Variants in TENM2 observed in about 807,000 individuals in gnomAD.
TENM2 encodes the protein teneurin-2.
Under a neutral mutation model 245.2 loss-of-function variants are expected in TENM2, and 52 were observed. The ratio of observed to expected loss-of-function variants is 0.21; its 90% confidence interval spans 0.17 to 0.27. TENM2 has a LOEUF of 0.27. Ranked by LOEUF, TENM2 falls within the 10% of genes least tolerant of loss-of-function variation. The pLI is 1.00. For missense variants in TENM2, 3,046 were observed against 3,666.8 expected (o/e 0.83, Z 4.37); for synonymous variants, 1,363 against 1,438.9 (o/e 0.95, Z 1.19).
the TENM2 span, among the ~76,000 whole-genome samples, chr5:167,070,421 G>A: frequency 6.6e-6 from 1 of 151,368 alleles, no homozygotes; most frequent in African/African-American, 2.4e-5. Context: ...GAGCCACTGC[G>A]CCCAGCCTCA....
chr5:167,386,498 A>G (rs2127350810), intron 2 of TENM2, among the ~76,000 whole-genome samples: 1 of 152,176 alleles, frequency 6.6e-6, no homozygotes, highest in Non-Finnish European at 1.5e-5. Flanking sequence ...TCCTTTTGCC[A>G]TCCAGAAGCT....
chr5:167,252,331 T>C, the TENM2 span, among the ~76,000 whole-genome samples: 1 of 152,112 alleles, frequency 6.6e-6, no homozygotes, highest in East Asian at 1.9e-4. Flanking sequence ...TATGATGAAA[T>C]CTTGTTTGTT....
Position 167,877,489 on chromosome 5 carries a change from A to C in TENM2, c.712+1294A>C, listed in dbSNP as rs150105581. Among the ~76,000 whole-genome samples the C allele has an allele frequency of 2.0e-4, 31 of 152,328 alleles. No homozygotes were observed. The East Asian group carries it at 5.4e-3, about 27-fold the overall frequency. Reference sequence around the variant, plus strand: ...TAATCTACCATAAATCTTTATTAGAACTCATCAGAGCTTCTAGTTTGAGAG... The same window carrying C: ...TAATCTACCATAAATCTTTATTAGACCTCATCAGAGCTTCTAGTTTGAGAG... On this transcript the variant is annotated intron_variant, in intron 3 of 28. Coordinates refer to ENST00000518659, the Ensembl canonical transcript of TENM2.
chr5:168,146,060 T>C (rs867807689), intron 12 of TENM2, among the ~76,000 whole-genome samples: 1 of 149,536 alleles, frequency 6.7e-6, no homozygotes, highest in Non-Finnish European at 1.5e-5. Context: ...AAGTTGCTTA[T>C]CAGCTTAAGG....
the TENM2 span, among the ~76,000 whole-genome samples, chr5:167,189,756 T>C: frequency 6.6e-6 from 1 of 152,022 alleles, no homozygotes; most frequent in Non-Finnish European, 1.5e-5. Flanking sequence ...TATATTATTT[T>C]ATCAAATGAA....
intron 2 of TENM2, among the ~76,000 whole-genome samples, chr5:167,388,440 A>G (rs547267151): frequency 1.2e-4 from 19 of 152,124 alleles, no homozygotes; most frequent in African/African-American, 4.3e-4. Context: ...AATTTTATTC[A>G]TCTCTGCAAA....
intron 1 of TENM2, among the ~76,000 whole-genome samples, chr5:167,316,243 A>C (rs537815097): frequency 1.0e-3 from 159 of 152,372 alleles, no homozygotes; most frequent in African/African-American, 3.7e-3. Flanking sequence ...AATGCCTGGC[A>C]TGTAATGGAT....
intron 3 of TENM2, among the ~76,000 whole-genome samples, chr5:167,945,726 T>C (rs1390664641): frequency 6.6e-6 from 1 of 152,238 alleles, no homozygotes; most frequent in Non-Finnish European, 1.5e-5. Context: ...ATATATTTTG[T>C]GTAAGAAAGA....
intron 5 of TENM2, among the ~76,000 whole-genome samples, chr5:168,043,809 G>A (rs929871471): frequency 5.9e-5 from 9 of 152,190 alleles, no homozygotes; most frequent in Admixed American, 5.2e-4. Flanking sequence ...GAATTCAACA[G>A]TATAAAGAAA....
chr5:167,799,320 C>T (rs1765538239), intron 2 of TENM2, among the ~76,000 whole-genome samples: 1 of 152,222 alleles, frequency 6.6e-6, no homozygotes, highest in Admixed American at 6.5e-5. Context: ...CCATTTCCAA[C>T]TCTCTTTAGT....
intron 2 of TENM2, among the ~76,000 whole-genome samples, chr5:167,387,496 T>C (rs2127353229): frequency 6.6e-6 from 1 of 152,272 alleles, no homozygotes; most frequent in Non-Finnish European, 1.5e-5. Flanking sequence ...TTTACTGATT[T>C]GGATACCCTT....
rs72645744 is a variant in TENM2 at position 167,320,484 on chromosome 5, G to T, written c.226+35421G>T. 0.019 allele frequency among the ~76,000 whole-genome samples: 2,863 copies of T among 152,174 alleles called. 204 individuals carry two copies. In the East Asian group the frequency reaches 0.23, roughly 12 times the overall value. ...ATAGACACAGAACGAGATCATTCAG[G>T]GCTTAGCCATATAGGAGTGCTATGG... On this transcript the variant is annotated intron_variant, in intron 1 of 28. Transcript: ENST00000518659.
the TENM2 span, among the ~76,000 whole-genome samples, chr5:167,062,790 TG>T: frequency 2.0e-5 from 3 of 152,290 alleles, no homozygotes; most frequent in Middle Eastern, 3.4e-3. Flanking sequence ...GGAGTGACTA[TG>T]GGGCTTGGGA....
At chr5:168,238,204 AGG>A (rs1562320686) in intron 25 of TENM2, among the ~76,000 whole-genome samples, 544 of 44,744 alleles carry the variant, frequency 0.012, 114 homozygotes, top group African/African-American at 0.044. Flanking sequence ...GGAGGGAGGG[AGG>A]GAGGGAGGGA....
intron 2 of TENM2, among the ~76,000 whole-genome samples, chr5:167,556,294 T>C (rs962922968): frequency 1.2e-4 from 19 of 152,126 alleles, no homozygotes; most frequent in African/African-American, 3.6e-4. Flanking sequence ...TGTTCAACAA[T>C]GACAAACTTA....
intron 2 of TENM2, among the ~76,000 whole-genome samples, chr5:167,410,781 C>G (rs1435927254): frequency 6.6e-6 from 1 of 151,978 alleles, no homozygotes; most frequent in African/African-American, 2.4e-5. Context: ...TACAATGTTT[C>G]TGGGTCCTAA....
At position 167,957,800 on chromosome 5, in the gene TENM2, A is replaced by AT. The variant is rs1780679403; in HGVS notation, c.947+4979dup. Among the ~76,000 whole-genome samples, 10 of 152,294 alleles carry AT rather than the reference A, an allele frequency of 6.6e-5. No individual in the cohort carries two copies. The South Asian group carries it at 1.9e-3, about 28-fold the overall frequency. ...TGTGCAGATTTGAGTGAGTTTCTTAATCCTGAGTTCTAATTTGATTGCACT... is the reference window on the plus strand; with the variant it reads ...TGTGCAGATTTGAGTGAGTTTCTTAATTCCTGAGTTCTAATTTGATTGCACT... On this transcript the variant is annotated intron_variant, in intron 4 of 28. Transcript: ENST00000518659.
chr5:167,199,097 T>TAAA, the TENM2 span, among the ~76,000 whole-genome samples: 60 of 79,300 alleles, frequency 7.6e-4, 1 homozygote, highest in African/African-American at 1.8e-3. Context: ...TGATATGAAG[T>TAAA]AAAAAAAAAA....
chr5:167,537,250 CAAA>C (rs386405596), intron 2 of TENM2, among the ~76,000 whole-genome samples: 1 of 108,724 alleles, frequency 9.2e-6, no homozygotes. Context: ...CCATCTCTAC[CAAA>C]AAAAAAAAAA....
Sources: allele counts gnomAD v4.1 joint callset (sites outside exome capture counted in the v4.1 genomes callset), GRCh38; gene constraint gnomAD v4.1.1; transcripts MANE v1.5; gene names NCBI Gene and HGNC (gene_info 2026-07-23, HGNC 2026-07-21).